Variants in NLRP8 observed in about 807,000 individuals in gnomAD.
The protein encoded by NLRP8 is NACHT, LRR and PYD domains-containing protein 8.
Under a neutral mutation model 88.7 loss-of-function variants are expected in NLRP8, and 86 were observed. That is an observed-to-expected ratio of 0.97 (90% CI 0.81 to 1.16). The LOEUF (loss-of-function observed/expected upper bound fraction) is 1.16. NLRP8 is among the 50% of genes most tolerant of loss of function. The pLI, the probability that NLRP8 is intolerant of heterozygous loss-of-function variation, is 0.00. For synonymous variants in NLRP8, 504 were observed against 494.6 expected (o/e 1.02, Z -0.25); for missense variants, 1,342 against 1,286.5 (o/e 1.04, Z -0.66).
intron 9 of NLRP8, among the ~76,000 whole-genome samples, chr19:55,984,655 C>CAA (rs149144840): frequency 2.3e-4 from 12 of 51,416 alleles, no homozygotes; most frequent in South Asian, 1.3e-3. Flanking sequence ...ACACTGTCTC[C>CAA]AAAAAAAAAA....
At position 55,972,269 on chromosome 19, in the gene NLRP8, C is replaced by T. The variant is rs80149175; in HGVS notation, c.2535-1383C>T. On this transcript the variant is annotated intron_variant, in intron 6 of 9. Coordinates refer to ENST00000291971, the MANE Select transcript of NLRP8 (RefSeq NM_176811.2). ...AGCTGGGATTACAGGTGCCTGCCAC[C>T]GCACTCAGCTGCTTTTTGTATTTTT... Among the ~76,000 whole-genome samples the T allele has an allele frequency of 8.8e-3, 1,336 of 151,868 alleles. 28 individuals carry two copies. The highest frequency in any genetic ancestry group is 0.031 in the African/African-American group (1,284 of 41,418).
At chr19:55,968,005 G>A (rs143619627) in intron 5 of NLRP8, among the ~76,000 whole-genome samples, 99 of 152,358 alleles carry the variant, frequency 6.5e-4, no homozygotes, top group African/African-American at 2.3e-3. Context: ...CCACTGCAGT[G>A]CTAAGGCTGC....
chr19:55,963,745 A>G (rs571261451), intron 4 of NLRP8, among the ~76,000 whole-genome samples: 1 of 151,746 alleles, frequency 6.6e-6, no homozygotes, highest in South Asian at 2.1e-4. Context: ...TGTAGAGACA[A>G]GGTCTCCCTA....
In NLRP8 at chr19:55,962,177, C is replaced by CT. The variant is rs199475839; in HGVS notation, c.2159dup (p.Leu720PhefsTer25). 4,592 of 1,614,172 alleles carry CT rather than the reference C, an allele frequency of 2.8e-3. 12 individuals carry two copies. Among genetic ancestry groups the CT allele is most frequent in the Non-Finnish European group, 3.6e-3 (4,294 of 1,180,020 alleles). On this transcript the variant is annotated frameshift_variant, in exon 4 of 10. Coordinates refer to ENST00000291971, the MANE Select transcript of NLRP8 (RefSeq NM_176811.2). LOFTEE classifies it high-confidence loss of function. ...ATGACCAACAGTGTTTTGGGGCCTC[C>CT]TTTTTTGAAGGCTCTCGCGGCCGCA...
At chr19:55,949,027 C>A (rs1004470176) in intron 1 of NLRP8, among the ~76,000 whole-genome samples, 1 of 152,108 alleles carries the variant, frequency 6.6e-6, no homozygotes, top group African/African-American at 2.4e-5. Flanking sequence ...CTACAGTCAT[C>A]CCCTTATCCA....
At chr19:55,964,203 A>G (rs1979736691) in intron 4 of NLRP8, among the ~76,000 whole-genome samples, 1 of 152,156 alleles carries the variant, frequency 6.6e-6, no homozygotes, top group Admixed American at 6.5e-5. Flanking sequence ...TATTATTGTG[A>G]TAGTTATTAT....
Position 55,955,860 on chromosome 19 carries a change from C to T in NLRP8, c.1802C>T (p.Ser601Phe), listed in dbSNP as rs775969318. The T allele has an allele frequency of 3.7e-6, 6 of 1,614,178 alleles. No homozygotes were observed. Among genetic ancestry groups the T allele is most frequent in the Non-Finnish European group, 5.1e-6 (6 of 1,180,026 alleles). The change falls in exon 3 of 10, where the codon TCT (serine) becomes TTT (phenylalanine). Residue 601 changes from serine (S) to phenylalanine (F), a missense_variant. Physicochemically the swap from Ser to Phe is radical, Grantham distance 155. Coordinates refer to ENST00000291971, the MANE Select transcript of NLRP8 (RefSeq NM_176811.2). ...CTGTTGCATAAATGTGACCCACCTT[C>T]TCCGGGCAGTGGGGTCCCGCAGTTA... is the stretch of plus-strand genomic sequence containing the variant.
intron 3 of NLRP8, among the ~76,000 whole-genome samples, 155 bp downstream of exon 3, chr19:55,956,255 GT>G (rs1371314600): frequency 6.6e-6 from 1 of 152,008 alleles, no homozygotes; most frequent in African/African-American, 2.4e-5. Flanking sequence ...GTTTTGTTTT[GT>G]TTTTTGAGAC....
At chr19:55,978,407 C>T (rs306477) in intron 8 of NLRP8, among the ~76,000 whole-genome samples, 55,449 of 151,690 alleles carry the variant, frequency 0.37, 10,694 homozygotes, top group Non-Finnish European at 0.43. Flanking sequence ...AATTGCATGA[C>T]GTATAAAGAA....
At position 55,954,670 on chromosome 19, in the gene NLRP8, G is replaced by A. The variant is rs2123187673; in HGVS notation, c.612G>A (p.Lys204=). The A allele has an allele frequency of 6.2e-7, 1 of 1,614,194 alleles. No individual in the cohort carries two copies. Among genetic ancestry groups the A allele is most frequent in the South Asian group, 1.1e-5 (1 of 91,088 alleles). The change falls in exon 3 of 10, where the codon AAG becomes AAA. Residue 204 remains lysine (K), a synonymous_variant. Transcript: ENST00000291971. ...AAAGACCCCAGGGTAGACAGCCCAA[G>A]ACCGTGGCCATACAGGGAGCTCCTG... is the stretch of plus-strand genomic sequence containing the variant.
chr19:55,954,713 C>T lies in NLRP8; in HGVS notation c.655C>T (p.Leu219=). The T allele has an allele frequency of 6.2e-7, 1 of 1,614,146 alleles. No homozygotes were observed. Among genetic ancestry groups the T allele is most frequent in the Non-Finnish European group, 8.5e-7 (1 of 1,180,024 alleles). ...AGCTCCTGGGATCGGAAAAACAATC[C>T]TGGCCAAAAAGGTGATGTTTGAGTG... The change falls in exon 3 of 10, where the codon CTG becomes TTG. Residue 219 remains leucine (L), a synonymous_variant. Coordinates refer to ENST00000291971, the MANE Select transcript of NLRP8 (RefSeq NM_176811.2).
chr19:55,974,333 C>G (rs1415736005), intron 7 of NLRP8, among the ~76,000 whole-genome samples: 4 of 152,118 alleles, frequency 2.6e-5, no homozygotes, highest in Non-Finnish European at 5.9e-5. Flanking sequence ...TTCTGTGACT[C>G]TTGGTTGTGC....
intron 3 of NLRP8, among the ~76,000 whole-genome samples, chr19:55,957,702 T>C (rs907493161): frequency 2.2e-5 from 1 of 46,138 alleles, no homozygotes; most frequent in African/African-American, 5.8e-5. Flanking sequence ...TATATATATA[T>C]ATATATATAT....
intron 8 of NLRP8, among the ~76,000 whole-genome samples, chr19:55,978,486 G>GT (rs940582119): frequency 6.6e-6 from 1 of 151,998 alleles, no homozygotes; most frequent in African/African-American, 2.4e-5. Context: ...GTGCTGGGGG[G>GT]ATTCTCTGCA....
chr19:55,962,605 T>G (rs1979664248), intron 4 of NLRP8, among the ~76,000 whole-genome samples: 1 of 152,146 alleles, frequency 6.6e-6, no homozygotes, highest in Non-Finnish European at 1.5e-5. Context: ...CATAAAATGT[T>G]CAGCCCGGTG....
chr19:55,955,031 C>G lies in NLRP8; in HGVS notation c.973C>G (p.Leu325Val). 1 of 1,614,140 alleles carries G rather than the reference C, an allele frequency of 6.2e-7. No individual in the cohort carries two copies. Among genetic ancestry groups the G allele is most frequent in the Non-Finnish European group, 8.5e-7 (1 of 1,180,030 alleles). ...GAGCAGTTTGCTGAGCAAAACGATG[C>G]TTCCAGAGGCCACGCTACTGATCAT... Residue 325 changes from leucine (L) to valine (V), a missense_variant, in exon 3 of 10, where the codon CTT becomes GTT. Physicochemically the swap from Leu to Val is conservative, Grantham distance 32 (BLOSUM62 1). Coordinates refer to ENST00000291971, the MANE Select transcript of NLRP8 (RefSeq NM_176811.2).
intron 5 of NLRP8, among the ~76,000 whole-genome samples, chr19:55,969,408 A>C (rs1377222806): frequency 6.6e-6 from 1 of 152,194 alleles, no homozygotes; most frequent in Non-Finnish European, 1.5e-5. Context: ...CTCCAGCTCC[A>C]TCCAAGTTGC....
At chr19:55,976,096 G>T in intron 7 of NLRP8, 37 bp from the exon 8 acceptor site, 1 of 1,514,018 alleles carries the variant, frequency 6.6e-7, no homozygotes, top group Non-Finnish European at 8.8e-7. Flanking sequence ...TGTTGTAGTT[G>T]TTGTTGTTGT....
chr19:55,975,116 A>C (rs911617264), intron 7 of NLRP8, among the ~76,000 whole-genome samples: 1 of 152,186 alleles, frequency 6.6e-6, no homozygotes, highest in Admixed American at 6.5e-5. Flanking sequence ...CTGGTTTACT[A>C]GGACATCACC....
Sources: allele counts gnomAD v4.1 joint callset (sites outside exome capture counted in the v4.1 genomes callset), GRCh38; gene constraint gnomAD v4.1.1; transcripts MANE v1.5; gene names NCBI Gene and HGNC (gene_info 2026-07-23, HGNC 2026-07-21).